Variants in PCDH15 observed in about 807,000 individuals in gnomAD.
PCDH15 encodes protocadherin related 15.
PCDH15 carries 129 observed loss-of-function variants against 178.5 expected under a neutral mutation model. That is an observed-to-expected ratio of 0.72 (90% CI 0.63 to 0.84). PCDH15 has a LOEUF of 0.84. PCDH15 is among the 40% of genes least tolerant of loss of function. The pLI is 0.00. For missense variants in PCDH15, 2,230 were observed against 2,099.9 expected (o/e 1.06, Z -1.21); for synonymous variants, 800 against 732.0 (o/e 1.09, Z -1.50).
intron 37 of PCDH15, among the ~76,000 whole-genome samples, chr10:53,809,934 C>T (rs1176880140): frequency 2.6e-5 from 4 of 152,060 alleles, no homozygotes; most frequent in East Asian, 3.9e-4. Context: ...TCAATAATCA[C>T]GAAAATATGA....
intron 2 of PCDH15, among the ~76,000 whole-genome samples, chr10:55,480,101 G>GT (rs1272152679): frequency 6.6e-6 from 1 of 151,470 alleles, no homozygotes; most frequent in Non-Finnish European, 1.5e-5. Context: ...GTATGTCATT[G>GT]TAATGTTATC....
chr10:55,070,757 T>C (rs1841716967), intron 2 of PCDH15, among the ~76,000 whole-genome samples: 4 of 151,978 alleles, frequency 2.6e-5, no homozygotes, highest in Admixed American at 2.0e-4. Context: ...CTTGGTGATG[T>C]GGGCTCTTTT....
At chr10:54,384,097 G>A (rs1054405428) in intron 3 of PCDH15, among the ~76,000 whole-genome samples, 2 of 150,652 alleles carry the variant, frequency 1.3e-5, no homozygotes, top group African/African-American at 2.5e-5. Context: ...GCCTCCCAAC[G>A]TGCTGGGATT....
intron 23 of PCDH15, among the ~76,000 whole-genome samples, chr10:53,951,327 A>C (rs2593110): frequency 0.75 from 107,353 of 143,004 alleles, 40,777 homozygotes; most frequent in East Asian, 1. Context: ...TCCCACCCCC[A>C]CCAAAAAATG....
chr10:55,602,424 C>T (rs1360957279), intron 2 of PCDH15, among the ~76,000 whole-genome samples: 2 of 152,144 alleles, frequency 1.3e-5, no homozygotes, highest in Admixed American at 6.5e-5. Flanking sequence ...TAGGCTCCAC[C>T]TCTGGGGGCA....
In PCDH15 at chr10:54,773,857, C is replaced by T. The variant is rs893421719; in HGVS notation, c.-29+27068G>A. 5.9e-5 allele frequency among the ~76,000 whole-genome samples: 9 copies of T among 151,904 alleles called. No individual in the cohort carries two copies. In the East Asian group the frequency reaches 9.6e-4, roughly 16 times the overall value. On this transcript the variant is annotated intron_variant, in intron 1 of 37. Coordinates refer to ENST00000644397, the MANE Select transcript of PCDH15 (RefSeq NM_001384140.1). ...AACCTAAAGAAAAAAAATCTAGGAG[C>T]ATCATACAATAAAAATGAACTGATT...
chr10:54,775,652 C>A (rs1313895694), intron 1 of PCDH15, among the ~76,000 whole-genome samples: 1 of 152,112 alleles, frequency 6.6e-6, no homozygotes, highest in African/African-American at 2.4e-5. Context: ...AATCCCAGTA[C>A]TCTGGGAGGC....
chr10:55,290,560 C>T (rs1466316291), intron 1 of PCDH15, among the ~76,000 whole-genome samples: 1 of 152,092 alleles, frequency 6.6e-6, no homozygotes, highest in East Asian at 1.9e-4. Context: ...TCCCTGACCA[C>T]TTTCTGTATC....
At chr10:53,890,709 A>G (rs11003916) in intron 26 of PCDH15, among the ~76,000 whole-genome samples, 6,309 of 152,186 alleles carry the variant, frequency 0.041, 267 homozygotes, top group East Asian at 0.13. Context: ...TTTAGATGTT[A>G]TTTTTGTTCA....
At chr10:54,234,329 A>C (rs1210496480) in intron 9 of PCDH15, among the ~76,000 whole-genome samples, 1 of 152,118 alleles carries the variant, frequency 6.6e-6, no homozygotes, top group African/African-American at 2.4e-5. Context: ...GTACATTTAC[A>C]ATGTATTGGA....
chr10:55,225,635 TTGTG>T lies in PCDH15; in HGVS notation c.-155-58988_-155-58985del, dbSNP rs72147832. ...TGTGTGTGTGTATGTGTGTGTGTGT[TTGTG>T]TGTGTGTGTGTGAGAGAGAGAGAGA... On this transcript the variant is annotated intron_variant, in intron 1 of 5. Transcript: ENST00000458638. Among the ~76,000 whole-genome samples the T allele has an allele frequency of 1.5e-4, 21 of 141,044 alleles. No individual in the cohort carries two copies. In the East Asian group the frequency reaches 2.5e-3, roughly 17 times the overall value. 92.5% of individuals were successfully genotyped at this position (141,044 alleles called of 152,430 possible).
At chr10:53,828,080 C>T (rs1279037609) in intron 31 of PCDH15, among the ~76,000 whole-genome samples, 1 of 151,812 alleles carries the variant, frequency 6.6e-6, no homozygotes, top group Non-Finnish European at 1.5e-5. Flanking sequence ...GTGGCTCATG[C>T]CTGTGATCCC....
Position 55,516,171 on chromosome 10 carries a change from G to C in PCDH15, c.-156+111454C>G, listed in dbSNP as rs924257546. ...TATGTCTTATGGGAGGGACCCGGTG[G>C]GAGATAATTGAATTGTGGACGGTTC... On this transcript the variant is annotated intron_variant, in intron 2 of 5. Transcript: ENST00000613346. Among the ~76,000 whole-genome samples, 10 of 152,074 alleles carry C rather than the reference G, an allele frequency of 6.6e-5. No individual in the cohort carries two copies. In the East Asian group the frequency reaches 1.9e-3, roughly 30 times the overall value.
At chr10:54,081,370 C>T (rs1183883685) in intron 16 of PCDH15, among the ~76,000 whole-genome samples, 1 of 151,266 alleles carries the variant, frequency 6.6e-6, no homozygotes, top group African/African-American at 2.4e-5. Flanking sequence ...TGTATTATTC[C>T]AAAAATACTA....
intron 7 of PCDH15, 100 bp downstream of exon 7, chr10:54,329,496 G>A (rs1591823635): frequency 2.4e-6 from 2 of 846,002 alleles, no homozygotes; most frequent in Admixed American, 1.8e-5. Context: ...TGATGAAGAA[G>A]TGAGTGGCAC....
At chr10:54,428,910 G>A (rs1956623414) in intron 3 of PCDH15, among the ~76,000 whole-genome samples, 2 of 152,154 alleles carry the variant, frequency 1.3e-5, no homozygotes, top group Non-Finnish European at 2.9e-5. Flanking sequence ...ATAAACAAAA[G>A]CTGAGGAACT....
chr10:55,310,485 T>C (rs991104070), intron 1 of PCDH15, among the ~76,000 whole-genome samples: 2 of 152,198 alleles, frequency 1.3e-5, no homozygotes, highest in African/African-American at 4.8e-5. Flanking sequence ...GGCTAACTTT[T>C]TATTTAAGAA....
chr10:54,762,196 C>T (rs1371637318), intron 1 of PCDH15, among the ~76,000 whole-genome samples: 2 of 72,268 alleles, frequency 2.8e-5, no homozygotes, highest in African/African-American at 7.3e-5. Context: ...ATTGTCATAG[C>T]TTATTTTTCT....
rs34014038 is a variant in PCDH15 at position 54,720,518 on chromosome 10, C to CAA, written c.-28-56230_-28-56229dup. Among the ~76,000 whole-genome samples, 263 of 149,522 alleles carry CAA rather than the reference C, an allele frequency of 1.8e-3. 2 individuals carry two copies. Among genetic ancestry groups the CAA allele is most frequent in the African/African-American group, 5.1e-3 (206 of 40,568 alleles). ...TTGGAAGACTATTTTTAGTCTCTTC[C>CAA]AAAAAAAAATACCAGCTAACAATTT... On this transcript the variant is annotated intron_variant, in intron 1 of 37. Transcript: ENST00000644397.
Sources: gnomAD v4.1 joint callset for allele counts (sites outside exome capture counted in the v4.1 genomes callset) on GRCh38, gnomAD v4.1.1 for gene constraint, MANE v1.5 for transcripts, NCBI Gene and HGNC (gene_info 2026-07-23, HGNC 2026-07-21) for gene names.